The following MCM10 variants were observed in gnomAD, a reference collection of about 807,000 sequenced individuals.
The protein encoded by MCM10 is minichromosome maintenance 10 replication initiation factor.
A neutral mutation model predicts 109.9 loss-of-function variants in MCM10; 91 were observed. The observed-to-expected ratio is 0.83, with a 90% CI of 0.70 to 0.99. MCM10 has a LOEUF of 0.99. Among genes scored for constraint, MCM10 ranks in the 50% least tolerant of loss-of-function variants. The probability of loss-of-function intolerance (pLI) is 0.00; values close to 1 mark genes in which losing one functional copy is unlikely to be tolerated. For missense variants in MCM10, 1,077 were observed against 1,061.2 expected, an observed-to-expected ratio of 1.01 and a Z score of -0.21; for synonymous variants, 380 against 387.2, an observed-to-expected ratio of 0.98 and a Z score of 0.22.
At chr10:13,187,450 G>T (rs1392189953) in intron 9 of MCM10, among the ~76,000 whole-genome samples, 1 of 152,148 alleles carries the variant, frequency 6.6e-6, no homozygotes, top group Non-Finnish European at 1.5e-5. Flanking sequence ...TCACATACAA[G>T]TTTTTATGTG....
At position 13,180,506 on chromosome 10, in the gene MCM10, T is replaced by C; in HGVS notation, c.829T>C (p.Ser277Pro). The C allele has an allele frequency of 2.5e-6, 4 of 1,613,838 alleles. No individual in the cohort carries two copies. The highest frequency in any genetic ancestry group is 3.4e-6 in the Non-Finnish European group (4 of 1,179,938). Residue 277 changes from serine (S) to proline (P), a missense_variant, in exon 7 of 20, where the codon TCT becomes CCT. Transcript: ENST00000378714. ...GACCGGCCGAAAACTGATCAGACTGTCTCAGATCAAGGAAAAGATGGCCAG... is the reference window on the plus strand; with the variant it reads ...GACCGGCCGAAAACTGATCAGACTGCCTCAGATCAAGGAAAAGATGGCCAG... ...KMTGRKLIRL[S>P]QIKEKMAREK...
rs1834194967 is a variant in MCM10 at position 13,180,428 on chromosome 10, G to A, written c.765-14G>A. 6.2e-7 allele frequency: 1 copy of A among 1,602,880 alleles called. No individual in the cohort carries two copies. The highest frequency in any genetic ancestry group is 1.1e-5 in the South Asian group (1 of 90,120). ...TTAGAATCATAATTACTAATCGCTG[G>A]TTTCTTAACCCAGGCGGCCTCGAGT... On this transcript the variant is annotated splice_polypyrimidine_tract_variant and intron_variant, in intron 6 of 19. Transcript: ENST00000378714.
chr10:13,205,119 AG>A (rs1275636340), intron 18 of MCM10, among the ~76,000 whole-genome samples: 2 of 150,676 alleles, frequency 1.3e-5, no homozygotes, highest in Non-Finnish European at 2.9e-5. Flanking sequence ...GTAATAGTAA[AG>A]TCGGGGCTTT....
intron 18 of MCM10, among the ~76,000 whole-genome samples, chr10:13,204,921 A>G (rs536363405): frequency 1.3e-5 from 2 of 149,312 alleles, no homozygotes; most frequent in South Asian, 4.2e-4. Flanking sequence ...AATACCTAAT[A>G]CAATGTAAGT....
At chr10:13,185,890 A>T (rs142937007) in intron 8 of MCM10, among the ~76,000 whole-genome samples, 1 of 152,198 alleles carries the variant, frequency 6.6e-6, no homozygotes, top group East Asian at 1.9e-4. Flanking sequence ...CCCCCCAAGT[A>T]ACTGGGACTA....
chr10:13,209,128 C>A lies in MCM10; in HGVS notation c.2536C>A (p.Leu846Ile). 6.2e-7 allele frequency: 1 copy of A among 1,612,548 alleles called. No homozygotes were observed. Among genetic ancestry groups the A allele is most frequent in the East Asian group, 2.2e-5 (1 of 44,870 alleles). Residue 846 changes from leucine to isoleucine, a missense_variant, in exon 19 of 20, where the codon CTA (leucine) becomes ATA (isoleucine). Transcript: ENST00000378714. ...CTACAAATGGGAACGGGACGGAATGCTAAAGGTATGCCATTTGCGTACTAA... is the reference window on the plus strand; with the variant it reads ...CTACAAATGGGAACGGGACGGAATGATAAAGGTATGCCATTTGCGTACTAA... ...GLYKWERDGM[L>I]KEKTGPKIGG...
At chr10:13,185,891 A>G (rs903864531) in intron 8 of MCM10, among the ~76,000 whole-genome samples, 2 of 152,002 alleles carry the variant, frequency 1.3e-5, no homozygotes, top group Admixed American at 1.3e-4. Flanking sequence ...CCCCCAAGTA[A>G]CTGGGACTAC....
intron 10 of MCM10, among the ~76,000 whole-genome samples, chr10:13,190,613 G>A (rs1315115127): frequency 6.6e-6 from 1 of 152,152 alleles, no homozygotes; most frequent in Non-Finnish European, 1.5e-5. Context: ...TGAGCCTGGG[G>A]AAGTTGAGGC....
intron 13 of MCM10, among the ~76,000 whole-genome samples, chr10:13,192,774 A>G (rs1299083845): frequency 6.6e-6 from 1 of 152,182 alleles, no homozygotes; most frequent in African/African-American, 2.4e-5. Flanking sequence ...CAAATGGTAC[A>G]GGTTAGAGTC....
In MCM10 at chr10:13,186,225, G is replaced by A; in HGVS notation, c.1160G>A (p.Gly387Glu). The A allele has an allele frequency of 6.2e-7, 1 of 1,613,380 alleles. No homozygotes were observed. Among genetic ancestry groups the A allele is most frequent in the South Asian group, 1.1e-5 (1 of 91,048 alleles). ...VLIMGEALDL[G>E]TCKAKKKNGE... ...ATTATGGGTGAAGCTCTTGACCTGG[G>A]AACCTGTAAAGCCAAGAAGAAGAAT... Residue 387 changes from glycine (G) to glutamate (E), a missense_variant, in exon 9 of 20, where the codon GGA becomes GAA. Coordinates refer to ENST00000378714, the MANE Select transcript of MCM10 (RefSeq NM_018518.5).
At chr10:13,201,599 A>G (rs947255375) in intron 17 of MCM10, 65 bp downstream of exon 17, 1 of 1,189,402 alleles carries the variant, frequency 8.4e-7, no homozygotes, top group South Asian at 1.3e-5. Flanking sequence ...ACTCGGCAGC[A>G]TGTGGAGAAC....
intron 2 of MCM10, among the ~76,000 whole-genome samples, chr10:13,168,128 C>T (rs991756014): frequency 6.6e-6 from 1 of 152,166 alleles, no homozygotes; most frequent in Non-Finnish European, 1.5e-5. Flanking sequence ...TGAGCCAGAG[C>T]CTCTTCCCGG....
At position 13,171,268 on chromosome 10, in the gene MCM10, C is replaced by T; in HGVS notation, c.349+5C>T. 3 of 1,595,472 alleles carry T rather than the reference C, an allele frequency of 1.9e-6. No homozygotes were observed. The East Asian group carries it at 6.7e-5, about 36-fold the overall frequency. On this transcript the variant is annotated splice_donor_5th_base_variant and intron_variant, in intron 3 of 19. Transcript: ENST00000378714. ...AAACGAATGAAGAGTTGCAAGGTGC[C>T]CTAACTACTTGCCTTCCTTATTTCT...
intron 9 of MCM10, among the ~76,000 whole-genome samples, chr10:13,188,006 G>A (rs998806431): frequency 6.6e-6 from 1 of 152,088 alleles, no homozygotes; most frequent in African/African-American, 2.4e-5. Context: ...TTAGCTGGGC[G>A]TGGTTGTGCA....
intron 10 of MCM10, among the ~76,000 whole-genome samples, chr10:13,190,634 C>G (rs1203330111): frequency 1.3e-5 from 2 of 152,086 alleles, no homozygotes; most frequent in East Asian, 3.9e-4. Flanking sequence ...TGCAGTGAGT[C>G]AGGATTGCTC....
At chr10:13,195,001 T>A in intron 13 of MCM10, 40 bp from the exon 14 acceptor site, 1 of 1,578,200 alleles carries the variant, frequency 6.3e-7, no homozygotes, top group Non-Finnish European at 8.7e-7. Context: ...TTTATTTTCG[T>A]AAACCCTGTT....
At chr10:13,180,705 T>C in intron 7 of MCM10, 98 bp downstream of exon 7, 1 of 1,392,942 alleles carries the variant, frequency 7.2e-7, no homozygotes, top group Non-Finnish European at 1.0e-6. Flanking sequence ...GGTGTTTCAT[T>C]TAGAAATAAG....
rs1056835288 is a variant in MCM10, at chr10:13,190,608, C to T, written c.1416-691C>T. Among the ~76,000 whole-genome samples the T allele has an allele frequency of 3.0e-4, 46 of 152,006 alleles. 2 individuals are homozygous for T. Among genetic ancestry groups the T allele is most frequent in the Non-Finnish European group, 4.4e-5 (3 of 68,018 alleles). ...GCTGAGATGGGAGAATTGCTTGAGCCTGGGGAAGTTGAGGCTGCAGTGAGT... is the reference window on the plus strand; with the variant it reads ...GCTGAGATGGGAGAATTGCTTGAGCTTGGGGAAGTTGAGGCTGCAGTGAGT... On this transcript the variant is annotated intron_variant, in intron 10 of 19. Transcript: ENST00000378714.
At chr10:13,207,347 A>AT (rs112780886) in intron 18 of MCM10, among the ~76,000 whole-genome samples, 3,669 of 151,098 alleles carry the variant, frequency 0.024, 122 homozygotes, top group African/African-American at 0.071. Flanking sequence ...TAGAATAGTG[A>AT]TTTTTTTTTT....
Sources: gnomAD v4.1 joint callset for allele counts (sites outside exome capture counted in the v4.1 genomes callset) on GRCh38, gnomAD v4.1.1 for gene constraint, MANE v1.5 for transcripts, NCBI Gene and HGNC (gene_info 2026-07-23, HGNC 2026-07-21) for gene names.